BSN: variants seen among roughly 807,000 people sequenced by gnomAD.
BSN encodes the protein protein bassoon.
A neutral mutation model predicts 264.8 loss-of-function variants in BSN; 57 were observed. The observed-to-expected ratio is 0.22, with a 90% CI of 0.17 to 0.27. The LOEUF (loss-of-function observed/expected upper bound fraction) is 0.27. Ranked by LOEUF, BSN falls within the 10% of genes least tolerant of loss-of-function variation. BSN has a pLI of 1.00. For missense variants in BSN, 4,615 were observed against 5,232.5 expected (o/e 0.88, Z 3.64); for synonymous variants, 2,059 against 2,137.3 (o/e 0.96, Z 1.01).
intron 5 of BSN, 57 bp downstream of exon 5, chr3:49,658,253 GC>G (rs1316329624): frequency 1.4e-6 from 2 of 1,475,118 alleles, no homozygotes; most frequent in Admixed American, 4.9e-5. Context: ...AGCCCGAGGG[GC>G]CCCCACAGGG....
chr3:49,598,659 G>A (rs939410426), intron 1 of BSN, among the ~76,000 whole-genome samples: 6 of 152,068 alleles, frequency 3.9e-5, no homozygotes, highest in African/African-American at 9.7e-5. Context: ...CACCCACCTC[G>A]GCCTCCCAAA....
At chr3:49,578,423 T>TTA (rs1307600080) in intron 1 of BSN, among the ~76,000 whole-genome samples, 3 of 146,412 alleles carry the variant, frequency 2.0e-5, no homozygotes, top group Non-Finnish European at 4.6e-5. Flanking sequence ...TTTTTTTTTT[T>TTA]ATAAGACGGA....
rs768016989 is a variant in BSN at position 49,655,782 on chromosome 3, C to T, written c.6226C>T (p.Arg2076Trp). The change falls in exon 5 of 12, where the codon CGG becomes TGG. Residue 2076 changes from arginine to tryptophan, a missense_variant. Physicochemically the swap from Arg to Trp is moderately radical, Grantham distance 101 (BLOSUM62 -3). Transcript: ENST00000296452. ...NIYSDHRYGP[R>W]GDAVGFQEAS... ...CTACTCAGACCACAGGTACGGCCCA[C>T]GGGGAGATGCAGTTGGCTTCCAGGA... 14 of 1,613,300 alleles carry T rather than the reference C, an allele frequency of 8.7e-6. No homozygotes were observed. Among genetic ancestry groups the T allele is most frequent in the African/African-American group, 2.7e-5 (2 of 74,940 alleles).
intron 8 of BSN, 44 bp downstream of exon 8, chr3:49,663,930 C>T (rs766004839): frequency 2.5e-6 from 4 of 1,577,010 alleles, no homozygotes; most frequent in Non-Finnish European, 3.5e-6. Flanking sequence ...CCAGAGCACC[C>T]AGGCTGTTCT....
In BSN at chr3:49,661,316, G is replaced by A; in HGVS notation, c.9471G>A (p.Val3157=). ...QTSLADLEQK[V]PTNYEVIASP... is the part of the protein sequence containing the mutation. ...CGCTAGCCGACTTGGAGCAGAAGGT[G>A]CCCACCAACTATGAGGTGATCGCCA... The change falls in exon 6 of 12, where the codon GTG becomes GTA. Residue 3157 remains valine (V), a synonymous_variant. Transcript: ENST00000296452. 2 of 1,613,928 alleles carry A rather than the reference G, an allele frequency of 1.2e-6. No homozygotes were observed. The highest frequency in any genetic ancestry group is 2.2e-5 in the East Asian group (1 of 44,888).
At position 49,658,121 on chromosome 3, in the gene BSN, C is replaced by T; in HGVS notation, c.8565C>T (p.Pro2855=). The change falls in exon 5 of 12, where the codon CCC becomes CCT. Residue 2855 remains proline, a synonymous_variant. Transcript: ENST00000296452. ...AGCGGTCCCTGTCTGACCCTAAGCC[C>T]CTCAGCCCCACCGCCGAAGAGTCTG... ...TLQRSLSDPK[P]LSPTAEESAK... 1 of 1,611,114 alleles carries T rather than the reference C, an allele frequency of 6.2e-7. No individual in the cohort carries two copies.
intron 5 of BSN, 42 bp downstream of exon 5, chr3:49,658,238 T>C: frequency 6.7e-7 from 1 of 1,488,410 alleles, no homozygotes; most frequent in Non-Finnish European, 8.9e-7. Flanking sequence ...CAGGGGTCTC[T>C]GCCTAGCCCG....
chr3:49,565,304 G>A (rs1335107550), intron 1 of BSN, among the ~76,000 whole-genome samples: 4 of 113,186 alleles, frequency 3.5e-5, no homozygotes, highest in African/African-American at 6.9e-5. Context: ...CACCCACCAC[G>A]CCCAGCTAAT....
chr3:49,650,795 C>G lies in BSN; in HGVS notation c.1702C>G (p.Leu568Val), dbSNP rs1467844788. The G allele has an allele frequency of 6.2e-7, 1 of 1,613,978 alleles. No individual in the cohort carries two copies. Among genetic ancestry groups the G allele is most frequent in the Non-Finnish European group, 8.5e-7 (1 of 1,179,944 alleles). Residue 568 changes from leucine (L) to valine (V), a missense_variant, in exon 4 of 12, where the codon CTG (leucine) becomes GTG (valine). Coordinates refer to ENST00000296452, the MANE Select transcript of BSN (RefSeq NM_003458.4). ...PQGLGQPSGP[L>V]PAKASPLSTK... The stretch of plus-strand genomic sequence containing the variant: ...GGGGCTGGGCCAGCCTTCAGGCCCC[C>G]TGCCTGCCAAGGCCAGCCCTCTATC...
chr3:49,577,153 T>C (rs1465320888), intron 1 of BSN, among the ~76,000 whole-genome samples: 1 of 152,188 alleles, frequency 6.6e-6, no homozygotes, highest in Admixed American at 6.5e-5. Context: ...TAATGTTGGC[T>C]ACTAATTATG....
In BSN at chr3:49,554,632, C is replaced by T; in HGVS notation, c.30C>T (p.Gly10=). MGNEVSLEG[G]AGDGPLPPGG... ...GCAACGAGGTCAGCCTGGAGGGCGG[C>T]GCTGGCGACGGGCCGCTGCCGCCCG... is the stretch of plus-strand genomic sequence containing the variant. The change falls in exon 1 of 12, where the codon GGC becomes GGT. Residue 10 remains glycine, a synonymous_variant. Coordinates refer to ENST00000296452, the MANE Select transcript of BSN (RefSeq NM_003458.4). 2.0e-6 allele frequency: 2 copies of T among 982,792 alleles called. No homozygotes were observed. The highest frequency in any genetic ancestry group is 1.8e-5 in the African/African-American group (1 of 56,766). The allele number at this position is 982,792 out of a possible 1,614,324, so 60.9% of individuals were successfully genotyped here.
Position 49,654,635 on chromosome 3 carries a change from G to A in BSN, c.5079G>A (p.Ala1693=), listed in dbSNP as rs765841525. 16 of 1,613,854 alleles carry A rather than the reference G, an allele frequency of 9.9e-6. No homozygotes were observed. In the Admixed American group the frequency reaches 1.7e-4, roughly 17 times the overall value. ...ACCTCACCTCTCTTGCTGTGGAAGC[G>A]AGGAAGTATGGTCTTGCCCTGGATC... is the stretch of plus-strand genomic sequence containing the variant. ...GMDLTSLAVE[A]RKYGLALDPI... Residue 1693 remains alanine, a synonymous_variant, in exon 5 of 12, where the codon GCG becomes GCA. Coordinates refer to ENST00000296452, the MANE Select transcript of BSN (RefSeq NM_003458.4). This position sits in a 1 kb window ranked among gnomAD's most constrained non-coding sequence, Gnocchi z 4.1.
chr3:49,642,824 C>G lies in BSN; in HGVS notation c.1190C>G (p.Pro397Arg). The G allele has an allele frequency of 1.9e-6, 3 of 1,613,030 alleles. No individual in the cohort carries two copies. The highest frequency in any genetic ancestry group is 2.5e-6 in the Non-Finnish European group (3 of 1,179,658). Reference protein sequence around the residue: ...VFNDASKEAGPKPLGSGPGPG... With the variant: ...VFNDASKEAGRKPLGSGPGPG... ...AATGATGCCAGCAAGGAGGCTGGCC[C>G]AAAACCCTTGGGCTCAGGGCCCGGG... Residue 397 changes from proline to arginine, a missense_variant, in exon 3 of 12, where the codon CCA becomes CGA. Pro to Arg is a moderately radical substitution (Grantham distance 103, BLOSUM62 -2). Coordinates refer to ENST00000296452, the MANE Select transcript of BSN (RefSeq NM_003458.4). The surrounding 1 kb of genome is among the most constrained non-coding windows in gnomAD (Gnocchi z 7.0).
chr3:49,573,594 C>T (rs2051814962), intron 1 of BSN, among the ~76,000 whole-genome samples: 3 of 151,858 alleles, frequency 2.0e-5, no homozygotes, highest in Non-Finnish European at 4.4e-5. Context: ...TATGAGAGGG[C>T]ACCAAAATAG....
chr3:49,604,059 G>A (rs1042893260), intron 1 of BSN, among the ~76,000 whole-genome samples: 1 of 151,784 alleles, frequency 6.6e-6, no homozygotes, highest in African/African-American at 2.4e-5. Flanking sequence ...TTTATTTATT[G>A]TGGTAAAATA....
intron 1 of BSN, 22 bp downstream of exon 1, chr3:49,554,848 C>CG (rs908173479): frequency 9.1e-6 from 11 of 1,204,492 alleles, no homozygotes; most frequent in Non-Finnish European, 9.3e-6. Context: ...TCTCGGCGCC[C>CG]GGGGGGCGGT....
In BSN at chr3:49,652,725, G is replaced by C. The variant is rs765592796; in HGVS notation, c.3169G>C (p.Glu1057Gln). The C allele has an allele frequency of 5.7e-5, 89 of 1,564,940 alleles. 3 individuals are homozygous for C. In the South Asian group the frequency reaches 9.6e-4, roughly 17 times the overall value. The change falls in exon 5 of 12, where the codon GAG becomes CAG. Residue 1057 changes from glutamate (E) to glutamine (Q), a missense_variant. This residue lies in a region of BSN where 3,415 missense variants were observed against 3,866.4 expected (regional missense o/e 0.88). Coordinates refer to ENST00000296452, the MANE Select transcript of BSN (RefSeq NM_003458.4). Reference sequence around the variant, plus strand: ...GGAAGAGGAGCTGCTTCGTGAGCAAGAGAAGATGCGGGAGGTGGAGCAGCA... The same window carrying C: ...GGAAGAGGAGCTGCTTCGTGAGCAACAGAAGATGCGGGAGGTGGAGCAGCA... Reference protein sequence around the residue: ...REEEELLREQEKMREVEQQRI... With the variant: ...REEEELLREQQKMREVEQQRI...
Position 49,656,759 on chromosome 3 carries a change from G to T in BSN, c.7203G>T (p.Leu2401=). The change falls in exon 5 of 12, where the codon CTG becomes CTT. Residue 2401 remains leucine, a synonymous_variant. Coordinates refer to ENST00000296452, the MANE Select transcript of BSN (RefSeq NM_003458.4). The stretch of plus-strand genomic sequence containing the variant: ...AGCTAGAGCGGGAACGTGTGGAGCT[G>T]CAGAGGCACCGTGAGGAGGAGCAGC... ...QEELERERVE[L]QRHREEEQLL... 6.3e-7 allele frequency: 1 copy of T among 1,579,440 alleles called. No individual in the cohort carries two copies. Among genetic ancestry groups the T allele is most frequent in the Middle Eastern group, 1.8e-4 (1 of 5,612 alleles).
Position 49,652,496 on chromosome 3 carries a change from C to T in BSN, c.2940C>T (p.Ser980=). The change falls in exon 5 of 12, where the codon TCC becomes TCT. Residue 980 remains serine, a synonymous_variant. Transcript: ENST00000296452. ...AGGACCGCTCCCGTGGTGAGCACTC[C>T]TCTACATTGCCTGCCTCCACACCCA... ...SPEDRSRGEH[S]STLPASTPSY... is the part of the protein sequence containing the mutation. The T allele has an allele frequency of 6.2e-7, 1 of 1,613,812 alleles. No individual in the cohort carries two copies. Among genetic ancestry groups the T allele is most frequent in the South Asian group, 1.1e-5 (1 of 91,090 alleles).
Sources: allele counts gnomAD v4.1 joint callset (sites outside exome capture counted in the v4.1 genomes callset), GRCh38; gene constraint gnomAD v4.1.1; regional missense constraint gnomAD v4.1.1; non-coding constraint Gnocchi (gnomAD v3.1); transcripts MANE v1.5; gene names NCBI Gene and HGNC (gene_info 2026-07-23, HGNC 2026-07-21).